Variants in GCNT2 observed in about 807,000 individuals in gnomAD.
The protein encoded by GCNT2 is N-acetyllactosaminide beta-1,6-N-acetylglucosaminyl-transferase.
In GCNT2, 34 loss-of-function variants were observed where a neutral mutation model predicts 34.2. The observed-to-expected ratio is 1.00, with a 90% CI of 0.76 to 1.32. The LOEUF (loss-of-function observed/expected upper bound fraction) is 1.32, where lower values mean the gene tolerates loss of function less well. Among genes scored for constraint, GCNT2 ranks in the 40% most tolerant of loss-of-function variants. The probability of loss-of-function intolerance (pLI) is 0.00; values close to 1 mark genes in which losing one functional copy is unlikely to be tolerated. For synonymous variants in GCNT2, 212 were observed against 188.0 expected (o/e 1.13, Z -1.04); for missense variants, 584 against 489.4 (o/e 1.19, Z -1.82).
chr6:10,615,058 C>T (rs1765704729), intron 3 of GCNT2, among the ~76,000 whole-genome samples: 1 of 152,090 alleles, frequency 6.6e-6, no homozygotes, highest in African/African-American at 2.4e-5. Flanking sequence ...GATATAGGGA[C>T]CAGATTCACT....
intron 3 of GCNT2, among the ~76,000 whole-genome samples, chr6:10,537,060 G>A (rs186352153): frequency 2.0e-5 from 3 of 152,256 alleles, no homozygotes; most frequent in South Asian, 2.1e-4. Flanking sequence ...CACCACTCTC[G>A]GCCACCTGTG....
intron 3 of GCNT2, among the ~76,000 whole-genome samples, chr6:10,609,851 G>A (rs1765476491): frequency 6.6e-6 from 1 of 152,112 alleles, no homozygotes; most frequent in South Asian, 2.1e-4. Flanking sequence ...GGTGGTAAGA[G>A]GCGGCAGAAG....
intron 3 of GCNT2, among the ~76,000 whole-genome samples, chr6:10,583,115 C>T (rs1345907155): frequency 6.6e-6 from 1 of 152,104 alleles, no homozygotes; most frequent in African/African-American, 2.4e-5. Flanking sequence ...TTTTAAAGGC[C>T]TCAATGTGCT....
At position 10,528,861 on chromosome 6, in the gene GCNT2, A is replaced by G. The variant is rs746184434; in HGVS notation, c.-51A>G. 2 of 1,379,638 alleles carry G rather than the reference A, an allele frequency of 1.4e-6. No homozygotes were observed. Among genetic ancestry groups the G allele is most frequent in the Admixed American group, 3.3e-5 (2 of 59,740 alleles). 85.5% of individuals were successfully genotyped at this position (1,379,638 alleles called of 1,614,324 possible). A position where few individuals can be genotyped will look rare whatever the true frequency, so the allele number is the denominator to read the frequency against. ...GAAAATGTAAGTTAAATATATCTAC[A>G]CTCTGATCCTATCTCAAGAGAGAGA... is the stretch of plus-strand genomic sequence containing the variant. On this transcript the variant is annotated 5_prime_UTR_variant, in exon 3 of 5. Transcript: ENST00000495262.
chr6:10,528,235 C>T (rs1169661275), intron 2 of GCNT2: 2 of 152,696 alleles, frequency 1.3e-5, no homozygotes, highest in African/African-American at 4.8e-5. Context: ...AGAATTTAGC[C>T]CAGTAGCCAG....
chr6:10,525,381 T>C (rs1258852021), intron 1 of GCNT2, among the ~76,000 whole-genome samples: 1 of 152,078 alleles, frequency 6.6e-6, no homozygotes, highest in Non-Finnish European at 1.5e-5. Flanking sequence ...AATTGGGGGG[T>C]ATTAATTTTG....
At position 10,564,245 on chromosome 6, in the gene GCNT2, G is replaced by A. The variant is rs545437108; in HGVS notation, c.925+34409G>A. On this transcript the variant is annotated intron_variant, in intron 3 of 4. Transcript: ENST00000495262. Reference sequence around the variant, plus strand: ...GCAAATATGAAGACGGGACCAGAGGGGCTGAGTAATGTGCCCTGTTCCAAA... The same window carrying A: ...GCAAATATGAAGACGGGACCAGAGGAGCTGAGTAATGTGCCCTGTTCCAAA... Among the ~76,000 whole-genome samples the A allele has an allele frequency of 4.5e-4, 69 of 152,264 alleles. 2 individuals carry two copies. In the South Asian group the frequency reaches 0.012, roughly 28 times the overall value.
rs982623312 is a variant in GCNT2 at position 10,621,435 on chromosome 6, G to T, written c.1010G>T (p.Gly337Val). 2 of 1,607,696 alleles carry T rather than the reference G, an allele frequency of 1.2e-6. No individual in the cohort carries two copies. Among genetic ancestry groups the T allele is most frequent in the Non-Finnish European group, 1.7e-6 (2 of 1,174,234 alleles). Residue 337 changes from glycine (G) to valine (V), a missense_variant, in exon 4 of 5, where the codon GGC (glycine) becomes GTC (valine). Transcript: ENST00000495262. ...KWSDMEDRHG[G>V]CHGHYVHGIC... ...AGTGACATGGAAGACAGACACGGAGGCTGCCACGGTGAGGCTCTCGTTCCA... is the reference window on the plus strand; with the variant it reads ...AGTGACATGGAAGACAGACACGGAGTCTGCCACGGTGAGGCTCTCGTTCCA...
intron 3 of GCNT2, chr6:10,556,060 A>G (rs1762685289): frequency 1.7e-6 from 2 of 1,154,968 alleles, no homozygotes; most frequent in Non-Finnish European, 1.1e-6. Flanking sequence ...GGCATGGGAA[A>G]TGAAAGAAAG....
rs184558753 is a variant in GCNT2, at chr6:10,629,067, G to A, written c.*2460G>A. 86 of 152,754 alleles carry A rather than the reference G, an allele frequency of 5.6e-4. No individual in the cohort carries two copies. The Middle Eastern group carries it at 0.01, about 18-fold the overall frequency. 9.5% of individuals were successfully genotyped at this position (152,754 alleles called of 1,614,324 possible). On this transcript the variant is annotated 3_prime_UTR_variant, in exon 5 of 5. Transcript: ENST00000495262. ...ATAGCGAATGCACTCAGGGTCAGCA[G>A]TGGAGTTTAAAAATTGTCTCTTTTC...
At chr6:10,619,364 T>C (rs1765933337) in intron 3 of GCNT2, 2 of 151,334 alleles carry the variant, frequency 1.3e-5, no homozygotes, top group South Asian at 4.2e-4. Flanking sequence ...AAAAAAAAAT[T>C]GTGGAGATGG....
intron 3 of GCNT2, among the ~76,000 whole-genome samples, chr6:10,554,410 C>A (rs1213335973): frequency 6.6e-6 from 1 of 152,156 alleles, no homozygotes; most frequent in East Asian, 1.9e-4. Context: ...GTCTATATTT[C>A]TTAATATAGT....
chr6:10,556,735 C>CT (rs1335787686), intron 3 of GCNT2: 2 of 1,614,082 alleles, frequency 1.2e-6, no homozygotes, highest in Non-Finnish European at 1.7e-6. Context: ...TCCATCATCA[C>CT]TTTGACACCT....
At chr6:10,540,793 C>G (rs948016459) in intron 3 of GCNT2, among the ~76,000 whole-genome samples, 4 of 152,154 alleles carry the variant, frequency 2.6e-5, no homozygotes, top group African/African-American at 9.7e-5. Flanking sequence ...TTTAAGCAGT[C>G]CACAGGGTGG....
At chr6:10,570,338 G>A (rs1763502848) in intron 3 of GCNT2, among the ~76,000 whole-genome samples, 1 of 152,210 alleles carries the variant, frequency 6.6e-6, no homozygotes, top group Non-Finnish European at 1.5e-5. Context: ...CATTTCTGGA[G>A]AATGGATGGA....
At chr6:10,591,252 T>C (rs974932806) in intron 3 of GCNT2, among the ~76,000 whole-genome samples, 1 of 152,098 alleles carries the variant, frequency 6.6e-6, no homozygotes, top group Admixed American at 6.6e-5. Context: ...ATATGCAGGG[T>C]GCTAGATGGA....
chr6:10,530,544 T>A (rs1761437026), intron 3 of GCNT2, among the ~76,000 whole-genome samples: 1 of 152,056 alleles, frequency 6.6e-6, no homozygotes, highest in Non-Finnish European at 1.5e-5. Context: ...TCAAATTTTT[T>A]ATTTGCAAGC....
chr6:10,606,644 T>TTTAATGGAAATTTCCATTAAAGAAAA (rs1765326155), intron 3 of GCNT2, among the ~76,000 whole-genome samples: 1 of 141,978 alleles, frequency 7.0e-6, no homozygotes, highest in African/African-American at 2.5e-5. Context: ...ATTAAAGAAA[T>TTTAATGGAAATTTCCATTAAAGAAAA]TTAATGGAAA....
chr6:10,598,639 C>T (rs1427234569), intron 3 of GCNT2, among the ~76,000 whole-genome samples: 1 of 152,200 alleles, frequency 6.6e-6, no homozygotes, highest in Admixed American at 6.5e-5. Context: ...ACAATATCTT[C>T]ACCTCTCTGA....
Sources: allele counts gnomAD v4.1 joint callset (sites outside exome capture counted in the v4.1 genomes callset), GRCh38; gene constraint gnomAD v4.1.1; transcripts MANE v1.5; gene names NCBI Gene and HGNC (gene_info 2026-07-23, HGNC 2026-07-21).